CSMD3: variants seen among roughly 807,000 people sequenced by gnomAD.
The protein encoded by CSMD3 is CUB and sushi domain-containing protein 3.
Under a neutral mutation model 435.2 loss-of-function variants are expected in CSMD3, and 177 were observed. The observed-to-expected ratio is 0.41, with a 90% CI of 0.36 to 0.46. The LOEUF is 0.46. CSMD3 is among the 20% of genes least tolerant of loss of function. CSMD3 has a pLI of 0.34. For synonymous variants in CSMD3, 1,656 were observed against 1,520.5 expected (o/e 1.09, Z -2.07); for missense variants, 4,265 against 4,504.6 (o/e 0.95, Z 1.52).
At chr8:112,469,687 A>C (rs892346220) in intron 32 of CSMD3, among the ~76,000 whole-genome samples, 2 of 152,106 alleles carry the variant, frequency 1.3e-5, no homozygotes, top group Non-Finnish European at 2.9e-5. Context: ...CAGGAGGTGG[A>C]GCTCAGGCAG....
intron 4 of CSMD3, among the ~76,000 whole-genome samples, chr8:113,156,914 A>G (rs1469594204): frequency 6.6e-6 from 1 of 151,152 alleles, no homozygotes; most frequent in Non-Finnish European, 1.5e-5. Flanking sequence ...CCTGGGTGAC[A>G]GAAAGAGATT....
intron 10 of CSMD3, among the ~76,000 whole-genome samples, chr8:112,897,397 T>C (rs1017249689): frequency 6.6e-6 from 1 of 151,304 alleles, no homozygotes; most frequent in Admixed American, 6.6e-5. Context: ...TTCATCATTA[T>C]AGGAGGAAAT....
intron 38 of CSMD3, among the ~76,000 whole-genome samples, chr8:112,370,491 C>G (rs1828283977): frequency 6.6e-6 from 1 of 152,108 alleles, no homozygotes; most frequent in East Asian, 1.9e-4. Flanking sequence ...ATAAGCCCCA[C>G]TTACTTTTCC....
intron 70 of CSMD3, among the ~76,000 whole-genome samples, chr8:112,225,713 T>C (rs1812495148): frequency 6.6e-6 from 1 of 152,184 alleles, no homozygotes; most frequent in African/African-American, 2.4e-5. Flanking sequence ...CATTAAAGCA[T>C]GCAAATTCAA....
At chr8:113,052,407 G>C (rs2088137024) in intron 5 of CSMD3, among the ~76,000 whole-genome samples, 1 of 152,162 alleles carries the variant, frequency 6.6e-6, no homozygotes, top group Non-Finnish European at 1.5e-5. Context: ...AACGGGATTT[G>C]AATTCAATTT....
chr8:113,051,639 T>C (rs1197753550), intron 5 of CSMD3, among the ~76,000 whole-genome samples: 2 of 152,160 alleles, frequency 1.3e-5, no homozygotes, highest in Admixed American at 1.3e-4. Flanking sequence ...GTCTAATATG[T>C]TAACTACAGC....
At chr8:112,705,683 C>A (rs1327675532) in intron 13 of CSMD3, among the ~76,000 whole-genome samples, 1 of 151,924 alleles carries the variant, frequency 6.6e-6, no homozygotes, top group Non-Finnish European at 1.5e-5. Flanking sequence ...AGGATACAGT[C>A]TATAAGAGCT....
At chr8:112,252,180 G>A (rs185372237) in intron 63 of CSMD3, among the ~76,000 whole-genome samples, 23 of 151,826 alleles carry the variant, frequency 1.5e-4, no homozygotes, top group East Asian at 3.9e-4. Flanking sequence ...GTGATTTTGC[G>A]TCATAACTCA....
intron 17 of CSMD3, among the ~76,000 whole-genome samples, chr8:112,664,780 G>A (rs2075478382): frequency 6.6e-6 from 1 of 152,078 alleles, no homozygotes; most frequent in Admixed American, 6.6e-5. Context: ...GATAAATGGA[G>A]AAGACAGCCA....
intron 36 of CSMD3, among the ~76,000 whole-genome samples, chr8:112,386,643 G>T (rs964164775): frequency 6.6e-6 from 1 of 151,910 alleles, no homozygotes; most frequent in Non-Finnish European, 1.5e-5. Flanking sequence ...GACTACAGGC[G>T]CCCGCCACCA....
intron 35 of CSMD3, among the ~76,000 whole-genome samples, chr8:112,395,806 T>C (rs1830812232): frequency 6.6e-6 from 1 of 152,172 alleles, no homozygotes; most frequent in Admixed American, 6.5e-5. Context: ...AAATGTGAAA[T>C]GTAACAAGGT....
At chr8:113,210,450 C>T (rs7841262) in intron 3 of CSMD3, among the ~76,000 whole-genome samples, 4,888 of 151,792 alleles carry the variant, frequency 0.032, 270 homozygotes, top group African/African-American at 0.11. Flanking sequence ...ACATTAAATA[C>T]GAAAAATATC....
At chr8:112,557,892 CGTCA>C (rs1407718286) in intron 24 of CSMD3, among the ~76,000 whole-genome samples, 1 of 151,892 alleles carries the variant, frequency 6.6e-6, no homozygotes, top group Non-Finnish European at 1.5e-5. Flanking sequence ...ATTTATAGCT[CGTCA>C]GTCAGAAATA....
At chr8:113,337,195 T>C (rs552510435) in intron 1 of CSMD3, among the ~76,000 whole-genome samples, 2 of 152,236 alleles carry the variant, frequency 1.3e-5, no homozygotes, top group South Asian at 4.1e-4. Flanking sequence ...TAGCAAAATG[T>C]TGTTCTTTAG....
At chr8:112,994,037 G>A (rs1040876984) in intron 6 of CSMD3, among the ~76,000 whole-genome samples, 17 of 151,822 alleles carry the variant, frequency 1.1e-4, no homozygotes, top group Middle Eastern at 3.4e-3. Flanking sequence ...GTTGTAGAGA[G>A]GCAATAGTCA....
chr8:113,080,367 C>G (rs560063748), intron 5 of CSMD3, among the ~76,000 whole-genome samples: 1 of 152,130 alleles, frequency 6.6e-6, no homozygotes, highest in Non-Finnish European at 1.5e-5. Flanking sequence ...GATGTAACTA[C>G]TGAAGCTATG....
intron 5 of CSMD3, among the ~76,000 whole-genome samples, chr8:113,044,264 A>T (rs2087739800): frequency 6.7e-6 from 1 of 149,970 alleles, no homozygotes; most frequent in South Asian, 2.1e-4. Context: ...AGTAAGAAAT[A>T]TGAAATAGCA....
At chr8:112,534,053 T>A (rs983564015) in intron 27 of CSMD3, among the ~76,000 whole-genome samples, 1 of 152,062 alleles carries the variant, frequency 6.6e-6, no homozygotes, top group Non-Finnish European at 1.5e-5. Flanking sequence ...ATTAAAAGAT[T>A]TCTTGAAAGA....
At chr8:112,313,695 T>C (rs529208077) in intron 49 of CSMD3, among the ~76,000 whole-genome samples, 3 of 152,132 alleles carry the variant, frequency 2.0e-5, no homozygotes, top group Non-Finnish European at 4.4e-5. Flanking sequence ...TCCTAAATGC[T>C]TTTTTAGGAT....
Sources: allele counts gnomAD v4.1 joint callset (sites outside exome capture counted in the v4.1 genomes callset), GRCh38; gene constraint gnomAD v4.1.1; transcripts MANE v1.5; gene names NCBI Gene and HGNC (gene_info 2026-07-23, HGNC 2026-07-21).